The following ITSN1 variants were observed in gnomAD, a reference collection of about 807,000 sequenced individuals.
The protein encoded by ITSN1 is intersectin-1.
In ITSN1, 58 loss-of-function variants were observed where a neutral mutation model predicts 239.8. The observed-to-expected ratio is 0.24, with a 90% CI of 0.20 to 0.30. ITSN1 has a LOEUF of 0.30. Among genes scored for constraint, ITSN1 ranks in the 10% least tolerant of loss-of-function variants. The pLI, the probability that ITSN1 is intolerant of heterozygous loss-of-function variation, is 1.00. For missense variants in ITSN1, 1,558 were observed against 2,103.3 expected (o/e 0.74, Z 5.07); for synonymous variants, 780 against 770.8 (o/e 1.01, Z -0.20).
intron 7 of ITSN1, among the ~76,000 whole-genome samples, chr21:33,754,383 CAGTA>C: frequency 6.6e-6 from 1 of 152,230 alleles, no homozygotes; most frequent in African/African-American, 2.4e-5. Context: ...TTCAGTATTT[CAGTA>C]AGATTGTGCT....
At position 33,797,492 on chromosome 21, in the gene ITSN1, A is replaced by G. The variant is rs1342197848; in HGVS notation, c.2066A>G (p.Lys689Arg). The G allele has an allele frequency of 6.2e-7, 1 of 1,614,078 alleles. No homozygotes were observed. The highest frequency in any genetic ancestry group is 1.3e-5 in the African/African-American group (1 of 74,928). ...AAACTGAAAAGGGAGGAGAGTGTCA[A>G]AAAGAAGGATGGCGAGGAAAAAGGC... Reference protein sequence around the residue: ...EEKLKREESVKKKDGEEKGKQ... With the variant: ...EEKLKREESVRKKDGEEKGKQ... Residue 689 changes from lysine (K) to arginine (R), a missense_variant, in exon 18 of 40, where the codon AAA becomes AGA. Lys to Arg is a conservative substitution (Grantham distance 26, BLOSUM62 2). This residue lies in a region of ITSN1 where 982 missense variants were observed against 1,209.9 expected (regional missense o/e 0.81). Transcript: ENST00000381318. The surrounding 1 kb of genome is among the most constrained non-coding windows in gnomAD (Gnocchi z 4.9).
At chr21:33,716,914 C>T (rs2065176982) in intron 1 of ITSN1, among the ~76,000 whole-genome samples, 1 of 141,322 alleles carries the variant, frequency 7.1e-6, no homozygotes, top group African/African-American at 2.6e-5. Flanking sequence ...ATCGCCTGGG[C>T]AACAAAGCAA....
At chr21:33,664,399 T>C (rs1666599926) in intron 1 of ITSN1, among the ~76,000 whole-genome samples, 1 of 152,090 alleles carries the variant, frequency 6.6e-6, no homozygotes, top group African/African-American at 2.4e-5. Context: ...GGCCAGGTTG[T>C]TAACAGCCAG....
Position 33,894,456 on chromosome 21 carries a change from T to C in ITSN1, c.*6156T>C, listed in dbSNP as rs1164268969. The C allele has an allele frequency of 5.3e-5, 8 of 152,192 alleles. No individual in the cohort carries two copies. The highest frequency in any genetic ancestry group is 3.9e-4 in the Admixed American group (6 of 15,272). 9.4% of individuals were successfully genotyped at this position (152,192 alleles called of 1,614,324 possible). A position where few individuals can be genotyped will look rare whatever the true frequency, so the allele number is the denominator to read the frequency against. The stretch of plus-strand genomic sequence containing the variant: ...GTTCGATTTTCTATACCAGCCTATA[T>C]TGTTACTATCATCTGCCTAGTATGA... On this transcript the variant is annotated 3_prime_UTR_variant, in exon 40 of 40. Coordinates refer to ENST00000381318, the MANE Select transcript of ITSN1 (RefSeq NM_003024.3).
intron 1 of ITSN1, among the ~76,000 whole-genome samples, chr21:33,668,026 C>T (rs1039688036): frequency 6.6e-6 from 1 of 152,086 alleles, no homozygotes; most frequent in Non-Finnish European, 1.5e-5. Context: ...ATTTCTGGTC[C>T]AGTTCGAAAG....
At chr21:33,786,220 G>C (rs1256270853) in intron 16 of ITSN1, among the ~76,000 whole-genome samples, 1 of 152,168 alleles carries the variant, frequency 6.6e-6, no homozygotes, top group Non-Finnish European at 1.5e-5. Flanking sequence ...TCTTAAAATA[G>C]TTTTAATTCA....
At chr21:33,826,756 G>A (rs557772517) in intron 25 of ITSN1, 62 bp from the exon 26 acceptor site, 77 of 1,491,384 alleles carry the variant, frequency 5.2e-5, no homozygotes, top group African/African-American at 3.7e-4. Flanking sequence ...ATCATTAATC[G>A]TTTTTAAAGT....
chr21:33,659,550 G>C (rs1402071115), intron 1 of ITSN1, among the ~76,000 whole-genome samples: 3 of 151,958 alleles, frequency 2.0e-5, no homozygotes, highest in Non-Finnish European at 4.4e-5. Flanking sequence ...GTTAGTGTTG[G>C]AGAACATTTT....
intron 2 of ITSN1, among the ~76,000 whole-genome samples, chr21:33,720,473 G>T (rs1007654265): frequency 1.3e-5 from 2 of 152,122 alleles, no homozygotes; most frequent in Non-Finnish European, 2.9e-5. Flanking sequence ...GTCGTGAGTG[G>T]ACATCTAGTC....
intron 1 of ITSN1, among the ~76,000 whole-genome samples, chr21:33,708,819 G>T (rs898699394): frequency 1.3e-5 from 2 of 152,156 alleles, no homozygotes; most frequent in Non-Finnish European, 1.5e-5. Context: ...CCTAGGACCC[G>T]TTTTGAATTA....
chr21:33,821,754 G>A (rs1036106008), intron 24 of ITSN1, among the ~76,000 whole-genome samples: 2 of 152,192 alleles, frequency 1.3e-5, no homozygotes, highest in African/African-American at 4.8e-5. Context: ...CATTTGGAAA[G>A]TTACTTCAAA....
chr21:33,696,646 C>T lies in ITSN1; in HGVS notation c.-32-22151C>T, dbSNP rs190785317. On this transcript the variant is annotated intron_variant, in intron 1 of 39. Transcript: ENST00000381318. ...GTCTTTCAGCCCATATTTAATTCATCCATTTGCAGCTGTTGCACTGTTTTG... is the reference window on the plus strand; with the variant it reads ...GTCTTTCAGCCCATATTTAATTCATTCATTTGCAGCTGTTGCACTGTTTTG... Among the ~76,000 whole-genome samples, 456 of 152,278 alleles carry T rather than the reference C, an allele frequency of 3.0e-3. 3 individuals are homozygous for T. Among genetic ancestry groups the T allele is most frequent in the African/African-American group, 0.01 (430 of 41,542 alleles).
At position 33,823,510 on chromosome 21, in the gene ITSN1, G is replaced by C; in HGVS notation, c.3040G>C (p.Glu1014Gln). ...AGAATTTATTGCCATGTACACTTAC[G>C]AGAGTTCTGAGCAAGGAGATTTAAC... ...GEEFIAMYTYESSEQGDLTFQ... is the reference protein window; with the variant it reads ...GEEFIAMYTYQSSEQGDLTFQ... The change falls in exon 25 of 40, where the codon GAG becomes CAG. Residue 1014 changes from glutamate (E) to glutamine (Q), a missense_variant. This residue lies in a region of ITSN1 where 982 missense variants were observed against 1,209.9 expected (regional missense o/e 0.81). Transcript: ENST00000381318. 1 of 1,613,960 alleles carries C rather than the reference G, an allele frequency of 6.2e-7. No individual in the cohort carries two copies. Among genetic ancestry groups the C allele is most frequent in the Non-Finnish European group, 8.5e-7 (1 of 1,179,900 alleles).
At chr21:33,841,893 G>C (rs907137032) in intron 29 of ITSN1, among the ~76,000 whole-genome samples, 1 of 151,536 alleles carries the variant, frequency 6.6e-6, no homozygotes, top group African/African-American at 2.4e-5. Flanking sequence ...GATCACAGTA[G>C]CCTTAATGTG....
At chr21:33,697,632 C>T (rs2091854939) in intron 1 of ITSN1, among the ~76,000 whole-genome samples, 1 of 152,070 alleles carries the variant, frequency 6.6e-6, no homozygotes. Flanking sequence ...TATTCCATAA[C>T]TTATATTTAA....
intron 4 of ITSN1, among the ~76,000 whole-genome samples, chr21:33,733,843 C>T (rs868200706): frequency 1.3e-5 from 2 of 152,134 alleles, no homozygotes; most frequent in Non-Finnish European, 2.9e-5. Context: ...GCTTTGTTTC[C>T]TGCGTTATGA....
chr21:33,848,340 C>T (rs2148451908), intron 29 of ITSN1, among the ~76,000 whole-genome samples: 1 of 152,366 alleles, frequency 6.6e-6, no homozygotes, highest in South Asian at 2.1e-4. Flanking sequence ...AGGAAAGACC[C>T]TGCCGAGGAG....
rs757940900 is a variant in ITSN1 at position 33,750,263 on chromosome 21, C to A, written c.467C>A (p.Pro156His). The part of the protein sequence containing the change: ...LVSSVPTAAV[P>H]PLANGAPPVI... The stretch of plus-strand genomic sequence containing the variant: ...TCTTCTGTTCCCACAGCAGCTGTGC[C>A]CCCCCTGGCTAACGGGGCTCCCCCT... Residue 156 changes from proline (P) to histidine (H), a missense_variant, in exon 6 of 40, where the codon CCC becomes CAC. Transcript: ENST00000381318. 12 of 1,613,952 alleles carry A rather than the reference C, an allele frequency of 7.4e-6. No homozygotes were observed. The highest frequency in any genetic ancestry group is 3.3e-5 in the South Asian group (3 of 91,084).
At chr21:33,786,550 C>T (rs923909607) in intron 16 of ITSN1, among the ~76,000 whole-genome samples, 2 of 152,170 alleles carry the variant, frequency 1.3e-5, no homozygotes, top group Non-Finnish European at 2.9e-5. Flanking sequence ...TTGACCTTGG[C>T]GATGTCAGTA....
Sources: allele counts gnomAD v4.1 joint callset (sites outside exome capture counted in the v4.1 genomes callset), GRCh38; gene constraint gnomAD v4.1.1; regional missense constraint gnomAD v4.1.1; non-coding constraint Gnocchi (gnomAD v3.1); transcripts MANE v1.5; gene names NCBI Gene and HGNC (gene_info 2026-07-23, HGNC 2026-07-21).